PLEKHB1: variants seen among roughly 807,000 people sequenced by gnomAD.
PLEKHB1 encodes the protein pleckstrin homology domain containing B1, also known as pleckstrin homology domain-containing family B member 1.
In PLEKHB1, 29 loss-of-function variants were observed where a neutral mutation model predicts 36.2. The ratio of observed to expected loss-of-function variants is 0.80; its 90% CI spans 0.60 to 1.09. The LOEUF (loss-of-function observed/expected upper bound fraction) is 1.09. PLEKHB1 is among the 50% of genes least tolerant of loss of function. The probability of loss-of-function intolerance (pLI) is 0.00; values close to 1 mark genes in which losing one functional copy is unlikely to be tolerated. For synonymous variants in PLEKHB1, 138 were observed against 140.0 expected (o/e 0.99, Z 0.10); for missense variants, 330 against 348.2 (o/e 0.95, Z 0.42).
chr11:73,650,503 C>T, intron 2 of PLEKHB1, 50 bp from the exon 3 acceptor site: 1 of 1,542,096 alleles, frequency 6.5e-7, no homozygotes, highest in South Asian at 1.2e-5. Flanking sequence ...GCTTCTATTC[C>T]CAGCAGGCTC....
At chr11:73,651,359 AAAAAAAAAAAAG>A in intron 3 of PLEKHB1, 1 of 440,490 alleles carries the variant, frequency 2.3e-6, no homozygotes, top group Admixed American at 2.6e-5. Flanking sequence ...GTCTCAAAAA[AAAAAAAAAAAAG>A]AAAAAGAAAA....
intron 6 of PLEKHB1, among the ~76,000 whole-genome samples, chr11:73,657,222 G>C (rs1442051627): frequency 2.0e-5 from 3 of 152,144 alleles, no homozygotes; most frequent in Non-Finnish European, 2.9e-5. Flanking sequence ...AAATTGTATA[G>C]ATGTGGCACT....
chr11:73,651,965 C>T, intron 4 of PLEKHB1, 75 bp downstream of exon 4: 1 of 1,328,222 alleles, frequency 7.5e-7, no homozygotes, highest in Non-Finnish European at 1.1e-6. Context: ...ATTGGGCCTT[C>T]TGGTTCTCTG....
Position 73,655,840 on chromosome 11 carries a change from G to A in PLEKHB1, c.428G>A (p.Arg143Gln), listed in dbSNP as rs191182155. 7.4e-6 allele frequency: 12 copies of A among 1,613,704 alleles called. No homozygotes were observed. In the East Asian group the frequency reaches 1.6e-4, roughly 21 times the overall value. Residue 143 changes from arginine (R) to glutamine (Q), a missense_variant, in exon 6 of 8, where the codon CGG (arginine) becomes CAG (glutamine). Physicochemically the swap from Arg to Gln is conservative, Grantham distance 43. Transcript: ENST00000354190. Reference sequence around the variant, plus strand: ...GCCACCGTCCCTCCCAGGAGCCGCCGGGTTTGCTCCAAGGTCAGGTGTGTG... The same window carrying A: ...GCCACCGTCCCTCCCAGGAGCCGCCAGGTTTGCTCCAAGGTCAGGTGTGTG... ...AGATVPPRSR[R>Q]VCSKVRCVTR...
In PLEKHB1 at chr11:73,660,838, G is replaced by A. The variant is rs746603363; in HGVS notation, c.581G>A (p.Gly194Glu). 11 of 1,593,374 alleles carry A rather than the reference G, an allele frequency of 6.9e-6. No individual in the cohort carries two copies. In the Admixed American group the frequency reaches 7.0e-5, roughly 10 times the overall value. Residue 194 changes from glycine (G) to glutamate (E), a missense_variant, in exon 7 of 8, where the codon GGA becomes GAA. Coordinates refer to ENST00000354190, the MANE Select transcript of PLEKHB1 (RefSeq NM_021200.3). The part of the protein sequence containing the change: ...HEATYVRSYY[G>E]PPYAGPGVTH... Reference sequence around the variant, plus strand: ...GCCACGTATGTCCGCAGCTACTACGGACCGCCCTACGCAGGTAAGTCTCCA... The same window carrying A: ...GCCACGTATGTCCGCAGCTACTACGAACCGCCCTACGCAGGTAAGTCTCCA...
intron 6 of PLEKHB1, chr11:73,660,436 T>C (rs959127368): frequency 3.0e-6 from 1 of 332,646 alleles, no homozygotes; most frequent in Non-Finnish European, 5.6e-6. Context: ...GGCATTATTG[T>C]AGAGCTGCTA....
chr11:73,649,204 C>A, intron 2 of PLEKHB1, 117 bp downstream of exon 2: 1 of 1,263,200 alleles, frequency 7.9e-7, no homozygotes, highest in Non-Finnish European at 1.1e-6. Flanking sequence ...CCTTGTTTGT[C>A]CATGCTCTTC....
intron 2 of PLEKHB1, 80 bp downstream of exon 2, chr11:73,649,167 C>A: frequency 6.7e-7 from 1 of 1,503,214 alleles, no homozygotes; most frequent in Non-Finnish European, 9.0e-7. Flanking sequence ...ACACTTCTCT[C>A]AAGAAACCAG....
chr11:73,657,150 A>T (rs1381001443), intron 6 of PLEKHB1, among the ~76,000 whole-genome samples: 1 of 152,150 alleles, frequency 6.6e-6, no homozygotes, highest in Non-Finnish European at 1.5e-5. Context: ...CTCAAAAAAA[A>T]AAATTGTCTC....
chr11:73,647,217 G>A (rs1944785599), intron 1 of PLEKHB1, among the ~76,000 whole-genome samples: 2 of 152,060 alleles, frequency 1.3e-5, no homozygotes, highest in African/African-American at 2.4e-5. Flanking sequence ...CTTGAGAAAA[G>A]TCAGGCTCAT....
intron 1 of PLEKHB1, chr11:73,648,788 C>T (rs1396053197): frequency 3.1e-6 from 4 of 1,294,138 alleles, no homozygotes; most frequent in African/African-American, 3.1e-5. Context: ...GCTCCTGGTC[C>T]CCACCCCCAC....
Position 73,652,257 on chromosome 11 carries a change from G to C in PLEKHB1, c.350+367G>C, listed in dbSNP as rs2134807075. 2.0e-5 allele frequency among the ~76,000 whole-genome samples: 3 copies of C among 152,334 alleles called. No homozygotes were observed. In the South Asian group the frequency reaches 6.2e-4, roughly 32 times the overall value. On this transcript the variant is annotated intron_variant, in intron 4 of 7. Coordinates refer to ENST00000354190, the MANE Select transcript of PLEKHB1 (RefSeq NM_021200.3). ...TCCCTTCTTAGAAGATGCCCTGGTG[G>C]GGGACTCTGATCTGAGGGGTAGCCC...
intron 5 of PLEKHB1, 85 bp from the exon 6 acceptor site, chr11:73,655,718 A>C: frequency 8.3e-7 from 1 of 1,206,230 alleles, no homozygotes; most frequent in Non-Finnish European, 1.2e-6. Context: ...GGGTCTGGAA[A>C]GAGCTCTTGA....
chr11:73,648,964 C>T (rs537111663), intron 1 of PLEKHB1, 48 bp from the exon 2 acceptor site: 3 of 1,556,840 alleles, frequency 1.9e-6, no homozygotes, highest in Non-Finnish European at 1.7e-6. Context: ...GGGCTTCTCT[C>T]CAGGGAGCTG....
In PLEKHB1 at chr11:73,655,853, G is replaced by C; in HGVS notation, c.441G>C (p.Lys147Asn). 1 of 1,613,832 alleles carries C rather than the reference G, an allele frequency of 6.2e-7. No individual in the cohort carries two copies. The highest frequency in any genetic ancestry group is 8.5e-7 in the Non-Finnish European group (1 of 1,179,872). Residue 147 changes from lysine to asparagine, a missense_variant, in exon 6 of 8, where the codon AAG (lysine) becomes AAC (asparagine). Lys to Asn is a moderately conservative substitution (Grantham distance 94). Transcript: ENST00000354190. Reference protein sequence around the residue: ...VPPRSRRVCSKVRCVTRSWSP... With the variant: ...VPPRSRRVCSNVRCVTRSWSP... Reference sequence around the variant, plus strand: ...CCAGGAGCCGCCGGGTTTGCTCCAAGGTCAGGTGTGTGACCCGCTCGTGGA... The same window carrying C: ...CCAGGAGCCGCCGGGTTTGCTCCAACGTCAGGTGTGTGACCCGCTCGTGGA...
At chr11:73,655,318 C>T (rs925888766) in intron 5 of PLEKHB1, among the ~76,000 whole-genome samples, 9 of 152,198 alleles carry the variant, frequency 5.9e-5, no homozygotes, top group Admixed American at 5.9e-4. Context: ...TGTTTATGGG[C>T]TTCTCTCTGT....
intron 5 of PLEKHB1, among the ~76,000 whole-genome samples, chr11:73,653,922 A>C (rs1944946681): frequency 6.6e-6 from 1 of 152,286 alleles, no homozygotes; most frequent in South Asian, 2.1e-4. Context: ...TGGCATGATC[A>C]GATCAGGTTC....
chr11:73,660,919 C>T (rs759621898), intron 7 of PLEKHB1, 67 bp downstream of exon 7: 36 of 1,423,528 alleles, frequency 2.5e-5, no homozygotes, highest in South Asian at 2.2e-4. Flanking sequence ...GCCCAGCCCA[C>T]GGTCCGTAAG....
intron 3 of PLEKHB1, chr11:73,651,499 A>C (rs1011697459): frequency 8.4e-6 from 5 of 597,060 alleles, no homozygotes; most frequent in Non-Finnish European, 1.3e-5. Context: ...GGCCCAGAGA[A>C]GCGAAGTGGC....
Sources: allele counts gnomAD v4.1 joint callset (sites outside exome capture counted in the v4.1 genomes callset), GRCh38; gene constraint gnomAD v4.1.1; transcripts MANE v1.5; gene names NCBI Gene and HGNC (gene_info 2026-07-23, HGNC 2026-07-21).